DNAJC10: variants seen among roughly 807,000 people sequenced by gnomAD.
The protein encoded by DNAJC10 is endoplasmic reticulum disulfide reductase DNAJC10.
Under a neutral mutation model 115.0 loss-of-function variants are expected in DNAJC10, and 101 were observed. The ratio of observed to expected loss-of-function variants is 0.88; its 90% confidence interval spans 0.75 to 1.04. The LOEUF is 1.04. Ranked by LOEUF, DNAJC10 falls within the 50% of genes least tolerant of loss-of-function variation. The pLI is 0.00. For synonymous variants in DNAJC10, 307 were observed against 301.5 expected, an observed-to-expected ratio of 1.02 and a Z score of -0.19; for missense variants, 981 against 928.8, an observed-to-expected ratio of 1.06 and a Z score of -0.73.
At chr2:182,717,696 T>C (rs1339044621) in intron 2 of DNAJC10, among the ~76,000 whole-genome samples, 1 of 152,198 alleles carries the variant, frequency 6.6e-6, no homozygotes, top group East Asian at 1.9e-4. Context: ...TTTCTCAGTG[T>C]ATAAATTGCT....
At chr2:182,736,741 A>G (rs1411469193) in intron 11 of DNAJC10, among the ~76,000 whole-genome samples, 1 of 152,000 alleles carries the variant, frequency 6.6e-6, no homozygotes, top group Non-Finnish European at 1.5e-5. Flanking sequence ...ATTGTTTTCT[A>G]TTTAATTGTT....
rs970980778 is a variant in DNAJC10, at chr2:182,775,499, C to T, written c.2370+79C>T. On this transcript the variant is annotated intron_variant, in intron 23 of 23. Transcript: ENST00000264065. ...ATCTATTTTTCCTATACATTACATG[C>T]ATCCAGAGACAACAAAATGAGGCAT... The T allele has an allele frequency of 5.5e-6, 4 of 730,234 alleles. No homozygotes were observed. The Admixed American group carries it at 7.8e-5, about 14-fold the overall frequency. 45.2% of individuals were successfully genotyped at this position (730,234 alleles called of 1,614,324 possible). A position where few individuals can be genotyped will look rare whatever the true frequency, so the allele number is the denominator to read the frequency against.
Position 182,779,536 on chromosome 2 carries a change from G to A in DNAJC10, c.*2404G>A, listed in dbSNP as rs892987844. 6.6e-6 allele frequency: 1 copy of A among 152,114 alleles called. No individual in the cohort carries two copies. The highest frequency in any genetic ancestry group is 1.5e-5 in the Non-Finnish European group (1 of 68,058). 9.4% of individuals were successfully genotyped at this position (152,114 alleles called of 1,614,324 possible). ...AGGCAGGAGGGATTGCTTGGGCTCA[G>A]GATTTTGAATCCAGCCTGGGCAACA... On this transcript the variant is annotated 3_prime_UTR_variant, in exon 24 of 24. Transcript: ENST00000264065.
chr2:182,732,617 C>T (rs1353070670), intron 10 of DNAJC10, 75 bp downstream of exon 10: 2 of 1,425,386 alleles, frequency 1.4e-6, no homozygotes, highest in Non-Finnish European at 2.0e-6. Flanking sequence ...GAAACATTTT[C>T]TTCCCTTATT....
chr2:182,727,829 T>C (rs1248319749), intron 5 of DNAJC10, among the ~76,000 whole-genome samples: 1 of 152,236 alleles, frequency 6.6e-6, no homozygotes, highest in Admixed American at 6.5e-5. Flanking sequence ...GAAAGCACAT[T>C]TTTACAATGT....
At chr2:182,729,078 TG>T (rs1574922350) in intron 7 of DNAJC10, 84 bp downstream of exon 7, 1 of 1,385,014 alleles carries the variant, frequency 7.2e-7, no homozygotes, top group East Asian at 2.3e-5. Context: ...ATGTAGAATT[TG>T]CAGAACATTT....
chr2:182,788,485 A>T lies in DNAJC10; in HGVS notation c.*11353A>T, dbSNP rs1694990231. 2.5e-5 allele frequency: 5 copies of T among 203,666 alleles called. No homozygotes were observed. The highest frequency in any genetic ancestry group is 9.5e-5 in the African/African-American group (4 of 42,182). 12.6% of individuals were successfully genotyped at this position (203,666 alleles called of 1,614,324 possible). On this transcript the variant is annotated 3_prime_UTR_variant, in exon 24 of 24. Transcript: ENST00000264065. ...CAAATAAGTTATAAAACCACCAAAAAATAGGAGAAAATGGGAGTAAAAACA... is the reference window on the plus strand; with the variant it reads ...CAAATAAGTTATAAAACCACCAAAATATAGGAGAAAATGGGAGTAAAAACA...
intron 15 of DNAJC10, 58 bp from the exon 16 acceptor site, chr2:182,752,014 A>C: frequency 7.3e-7 from 1 of 1,377,994 alleles, no homozygotes; most frequent in Non-Finnish European, 1.0e-6. Flanking sequence ...TGCAGAAATG[A>C]TGGGGGGGTT....
chr2:182,776,516 G>A (rs984965979), intron 23 of DNAJC10, among the ~76,000 whole-genome samples: 1 of 152,122 alleles, frequency 6.6e-6, no homozygotes. Context: ...TTCCCTATGA[G>A]GCGAAAGGAG....
Position 182,788,687 on chromosome 2 carries a change from C to T in DNAJC10, c.*11555C>T, listed in dbSNP as rs1050173839. The T allele has an allele frequency of 3.1e-5, 12 of 385,014 alleles. No individual in the cohort carries two copies. The highest frequency in any genetic ancestry group is 7.0e-5 in the Admixed American group (2 of 28,556). The allele number at this position is 385,014 out of a possible 1,614,324, so 23.8% of individuals were successfully genotyped here. A position where few individuals can be genotyped will look rare whatever the true frequency, so the allele number is the denominator to read the frequency against. ...AGAACAAAAGGAAGTGAGCTTATCC[C>T]ACAGCACAAGTAACGTCTATTTATC... On this transcript the variant is annotated 3_prime_UTR_variant, in exon 24 of 24. Coordinates refer to ENST00000264065, the MANE Select transcript of DNAJC10 (RefSeq NM_018981.4).
chr2:182,727,175 T>C (rs568777270), intron 5 of DNAJC10, among the ~76,000 whole-genome samples: 178 of 152,256 alleles, frequency 1.2e-3, no homozygotes, highest in African/African-American at 3.9e-3. Flanking sequence ...ATACTTGCTA[T>C]GTTGTGATTT....
intron 5 of DNAJC10, among the ~76,000 whole-genome samples, chr2:182,726,667 G>A (rs1333190270): frequency 6.6e-6 from 1 of 152,140 alleles, no homozygotes. Flanking sequence ...TGATCAGTCA[G>A]CACCCATCAA....
rs1694856826 is a variant in DNAJC10, at chr2:182,781,930, T to C, written c.*4798T>C. The C allele has an allele frequency of 6.6e-6, 1 of 152,230 alleles. No individual in the cohort carries two copies. The allele number at this position is 152,230 out of a possible 1,614,324, so 9.4% of individuals were successfully genotyped here. ...CTGTTCACTCTGATCATAGTTTCTT[T>C]TGCCATGCAGAAGCTCTTTAATTAG... is the stretch of plus-strand genomic sequence containing the variant. On this transcript the variant is annotated 3_prime_UTR_variant, in exon 24 of 24. Transcript: ENST00000264065.
chr2:182,718,263 A>G lies in DNAJC10; in HGVS notation c.177A>G (p.Ala59=), dbSNP rs1457153547. The G allele has an allele frequency of 1.2e-6, 2 of 1,611,084 alleles. No homozygotes were observed. The highest frequency in any genetic ancestry group is 1.7e-6 in the Non-Finnish European group (2 of 1,179,154). The part of the protein sequence containing the change: ...REIRQAFKKL[A]LKLHPDKNPN... ...TAAGACAAGCTTTCAAGAAATTGGCATTGAAGTTACATCCTGATAAAAACC... is the reference window on the plus strand; with the variant it reads ...TAAGACAAGCTTTCAAGAAATTGGCGTTGAAGTTACATCCTGATAAAAACC... Residue 59 remains alanine (A), a synonymous_variant, in exon 3 of 24, where the codon GCA becomes GCG. Coordinates refer to ENST00000264065, the MANE Select transcript of DNAJC10 (RefSeq NM_018981.4).
intron 5 of DNAJC10, among the ~76,000 whole-genome samples, chr2:182,727,207 G>C (rs1300624741): frequency 6.6e-6 from 1 of 152,112 alleles, no homozygotes; most frequent in African/African-American, 2.4e-5. Flanking sequence ...CACAATATCT[G>C]AGGTATGCCT....
At position 182,788,712 on chromosome 2, in the gene DNAJC10, C is replaced by T; in HGVS notation, c.*11580C>T. The T allele has an allele frequency of 2.3e-6, 1 of 426,002 alleles. No individual in the cohort carries two copies. Among genetic ancestry groups the T allele is most frequent in the South Asian group, 1.7e-5 (1 of 57,808 alleles). The allele number at this position is 426,002 out of a possible 1,614,324, so 26.4% of individuals were successfully genotyped here. A position where few individuals can be genotyped will look rare whatever the true frequency, so the allele number is the denominator to read the frequency against. On this transcript the variant is annotated 3_prime_UTR_variant, in exon 24 of 24. Coordinates refer to ENST00000264065, the MANE Select transcript of DNAJC10 (RefSeq NM_018981.4). ...CACAGCACAAGTAACGTCTATTTAT[C>T]TCAGAGGAAATCCAGGGAAGTTCCT... is the stretch of plus-strand genomic sequence containing the variant.
At position 182,792,173 on chromosome 2, in the gene DNAJC10, C is replaced by T. The variant is rs1695063380; in HGVS notation, c.*15041C>T. On this transcript the variant is annotated 3_prime_UTR_variant, in exon 24 of 24. Transcript: ENST00000264065. ...TGCTCAAGTCAATTTATAAGTAATC[C>T]TCACAAATGCTTGCATACCATCAGT... 6.6e-6 allele frequency: 1 copy of T among 152,122 alleles called. No homozygotes were observed. Among genetic ancestry groups the T allele is most frequent in the African/African-American group, 2.4e-5 (1 of 41,436 alleles). 9.4% of individuals were successfully genotyped at this position (152,122 alleles called of 1,614,324 possible). A position where few individuals can be genotyped will look rare whatever the true frequency, so the allele number is the denominator to read the frequency against.
intron 15 of DNAJC10, 87 bp downstream of exon 15, chr2:182,751,872 A>G: frequency 6.6e-7 from 1 of 1,512,406 alleles, no homozygotes; most frequent in Non-Finnish European, 9.0e-7. Flanking sequence ...ACTTTGAATC[A>G]TTAGTACAAA....
rs1464947118 is a variant in DNAJC10 at position 182,791,233 on chromosome 2, C to A, written c.*14101C>A. The stretch of plus-strand genomic sequence containing the variant: ...ACTCTAGAGCTTAGTTTTCAGTCCT[C>A]CTGAATCATAACTAGTTGGCAACAA... On this transcript the variant is annotated 3_prime_UTR_variant, in exon 24 of 24. Transcript: ENST00000264065. 1 of 152,046 alleles carries A rather than the reference C, an allele frequency of 6.6e-6. No individual in the cohort carries two copies. Among genetic ancestry groups the A allele is most frequent in the Non-Finnish European group, 1.5e-5 (1 of 68,000 alleles). The allele number at this position is 152,046 out of a possible 1,614,324, so 9.4% of individuals were successfully genotyped here.
Sources: allele counts gnomAD v4.1 joint callset (sites outside exome capture counted in the v4.1 genomes callset), GRCh38; gene constraint gnomAD v4.1.1; transcripts MANE v1.5; gene names NCBI Gene and HGNC (gene_info 2026-07-23, HGNC 2026-07-21).